The following DTD1 variants were observed in gnomAD, a reference collection of about 807,000 sequenced individuals.
DTD1 encodes the protein D-tyrosyl-tRNA deacylase 1 homolog.
Under a neutral mutation model 25.6 loss-of-function variants are expected in DTD1, and 13 were observed. That is an observed-to-expected ratio of 0.51 (90% CI 0.33 to 0.81). DTD1 has a LOEUF of 0.81. Among genes scored for constraint, DTD1 ranks in the 30% least tolerant of loss-of-function variants. DTD1 has a pLI of 0.02. For synonymous variants in DTD1, 110 were observed against 103.6 expected, an observed-to-expected ratio of 1.06 and a Z score of -0.37; for missense variants, 193 against 266.4, an observed-to-expected ratio of 0.72 and a Z score of 1.92.
At chr20:18,708,218 AAT>A (rs1315410658) in intron 4 of DTD1, among the ~76,000 whole-genome samples, 17 of 5,666 alleles carry the variant, frequency 3.0e-3, no homozygotes, top group African/African-American at 4.6e-3. Flanking sequence ...TTATATATAT[AAT>A]ATATATATAT....
chr20:18,600,702 C>T (rs1285244495), intron 3 of DTD1, among the ~76,000 whole-genome samples: 1 of 152,162 alleles, frequency 6.6e-6, no homozygotes, highest in East Asian at 1.9e-4. Flanking sequence ...AGAACTGACA[C>T]CTTGACTATA....
At chr20:18,648,449 T>A (rs918638448) in intron 4 of DTD1, among the ~76,000 whole-genome samples, 3 of 151,992 alleles carry the variant, frequency 2.0e-5, no homozygotes, top group African/African-American at 7.3e-5. Context: ...GACAAGAGAG[T>A]GCCCAGTGCC....
At chr20:18,671,435 G>A (rs1005996918) in intron 4 of DTD1, among the ~76,000 whole-genome samples, 10 of 152,152 alleles carry the variant, frequency 6.6e-5, no homozygotes, top group African/African-American at 2.4e-4. Flanking sequence ...GCACAGAACA[G>A]CTTGATGTTT....
In DTD1 at chr20:18,592,828, G is replaced by A. The variant is rs373710580; in HGVS notation, c.44-903G>A. ...CTCCTGAGTAGCTGGGATTACAGGC[G>A]CCCGCCACCATGCCCGGCTAATTTT... is the stretch of plus-strand genomic sequence containing the variant. On this transcript the variant is annotated intron_variant, in intron 1 of 5. Coordinates refer to ENST00000377452, the MANE Select transcript of DTD1 (RefSeq NM_080820.6). Among the ~76,000 whole-genome samples, 89 of 151,794 alleles carry A rather than the reference G, an allele frequency of 5.9e-4. 1 individual carries two copies. In the East Asian group the frequency reaches 0.016, roughly 28 times the overall value.
At chr20:18,649,702 T>G (rs959798402) in intron 4 of DTD1, among the ~76,000 whole-genome samples, 2 of 152,088 alleles carry the variant, frequency 1.3e-5, no homozygotes, top group African/African-American at 4.8e-5. Flanking sequence ...ACCCCCTTAC[T>G]CAGTTGTAGA....
chr20:18,733,919 C>T (rs1023727441), intron 4 of DTD1, among the ~76,000 whole-genome samples: 1 of 152,238 alleles, frequency 6.6e-6, no homozygotes, highest in African/African-American at 2.4e-5. Flanking sequence ...TGGCACTCTA[C>T]ACGGTGTGTT....
chr20:18,646,431 A>C (rs2060850818), intron 4 of DTD1, among the ~76,000 whole-genome samples: 1 of 152,100 alleles, frequency 6.6e-6, no homozygotes, highest in East Asian at 1.9e-4. Context: ...AGGCTGGGGC[A>C]ATACAAATGA....
chr20:18,695,861 G>C (rs953358934), intron 4 of DTD1, among the ~76,000 whole-genome samples: 1 of 151,760 alleles, frequency 6.6e-6, no homozygotes, highest in Non-Finnish European at 1.5e-5. Context: ...TATTTTTGTA[G>C]AGATGGGGTT....
chr20:18,759,222 T>G (rs1449379680), intron 5 of DTD1, among the ~76,000 whole-genome samples: 1 of 152,216 alleles, frequency 6.6e-6, no homozygotes, highest in Non-Finnish European at 1.5e-5. Context: ...AATTGGAGCA[T>G]TTAGCCCATT....
chr20:18,650,365 A>C (rs979430455), intron 4 of DTD1, among the ~76,000 whole-genome samples: 2 of 152,190 alleles, frequency 1.3e-5, no homozygotes, highest in Non-Finnish European at 2.9e-5. Flanking sequence ...TTGCCTGTGA[A>C]ATCAGCCCTG....
At chr20:18,693,816 C>A (rs2061059178) in intron 4 of DTD1, among the ~76,000 whole-genome samples, 1 of 152,150 alleles carries the variant, frequency 6.6e-6, no homozygotes, top group Non-Finnish European at 1.5e-5. Flanking sequence ...TGGGCACATG[C>A]AGGGACCACA....
At chr20:18,730,826 A>G (rs1303284343) in intron 4 of DTD1, among the ~76,000 whole-genome samples, 1 of 152,062 alleles carries the variant, frequency 6.6e-6, no homozygotes, top group Non-Finnish European at 1.5e-5. Flanking sequence ...ATGATGTTAT[A>G]TTTTCTGAAT....
chr20:18,670,092 G>A (rs925658352), intron 4 of DTD1, among the ~76,000 whole-genome samples: 1 of 152,178 alleles, frequency 6.6e-6, no homozygotes. Flanking sequence ...TGAATGGCAG[G>A]CATGGGATGT....
intron 4 of DTD1, among the ~76,000 whole-genome samples, chr20:18,712,152 T>C (rs1462237971): frequency 1.3e-5 from 2 of 152,228 alleles, no homozygotes; most frequent in African/African-American, 2.4e-5. Flanking sequence ...TTAGAGTACT[T>C]AGGGACTCTA....
intron 3 of DTD1, among the ~76,000 whole-genome samples, chr20:18,610,700 AG>A (rs1412885486): frequency 6.6e-6 from 1 of 152,170 alleles, no homozygotes; most frequent in African/African-American, 2.4e-5. Context: ...GCTTGAGCCC[AG>A]GAGTTTAAGA....
intron 4 of DTD1, among the ~76,000 whole-genome samples, chr20:18,697,740 A>C (rs2061084183): frequency 6.6e-6 from 1 of 152,238 alleles, no homozygotes; most frequent in South Asian, 2.1e-4. Flanking sequence ...GCCGGAGTGC[A>C]GTGGCGCTAT....
chr20:18,601,525 T>C (rs1361425272), intron 3 of DTD1, among the ~76,000 whole-genome samples: 4 of 130,336 alleles, frequency 3.1e-5, no homozygotes, highest in Admixed American at 2.4e-4. Context: ...AAAAAAGCAG[T>C]CTGACAGCTT....
intron 4 of DTD1, among the ~76,000 whole-genome samples, chr20:18,716,787 G>A (rs1414860988): frequency 5.9e-5 from 9 of 152,208 alleles, no homozygotes; most frequent in African/African-American, 2.2e-4. Flanking sequence ...GATCAGAGAA[G>A]CCTTACTGGT....
intron 1 of DTD1, among the ~76,000 whole-genome samples, chr20:18,591,504 A>G (rs2060589414): frequency 1.3e-5 from 2 of 152,186 alleles, no homozygotes; most frequent in African/African-American, 4.8e-5. Context: ...ATGCAATATT[A>G]TTATAAAAAT....
Sources: allele counts gnomAD v4.1 joint callset (sites outside exome capture counted in the v4.1 genomes callset), GRCh38; gene constraint gnomAD v4.1.1; transcripts MANE v1.5; gene names NCBI Gene and HGNC (gene_info 2026-07-23, HGNC 2026-07-21).